Variants in TSHZ1 observed in about 807,000 individuals in gnomAD.
TSHZ1 encodes teashirt zinc finger homeobox 1.
In TSHZ1, 12 loss-of-function variants were observed where a neutral mutation model predicts 67.1. That is an observed-to-expected ratio of 0.18 (90% CI 0.11 to 0.29). The LOEUF (loss-of-function observed/expected upper bound fraction) is 0.29, where lower values mean the gene tolerates loss of function less well. Among genes scored for constraint, TSHZ1 ranks in the 10% least tolerant of loss-of-function variants. The pLI is 1.00. For missense variants in TSHZ1, 1,305 were observed against 1,413.9 expected, an observed-to-expected ratio of 0.92 and a Z score of 1.23; for synonymous variants, 632 against 622.4, an observed-to-expected ratio of 1.02 and a Z score of -0.23.
At chr18:75,232,938 G>A (rs889706350) in intron 1 of TSHZ1, among the ~76,000 whole-genome samples, 1 of 152,236 alleles carries the variant, frequency 6.6e-6, no homozygotes, top group African/African-American at 2.4e-5. Context: ...GCACAGTTAG[G>A]AAGACTCTTC....
chr18:75,219,562 A>G (rs895664830), intron 1 of TSHZ1, among the ~76,000 whole-genome samples: 6 of 152,216 alleles, frequency 3.9e-5, no homozygotes, highest in Non-Finnish European at 7.3e-5. Context: ...TTTTCTTGCT[A>G]TAGAATAATT....
chr18:75,275,740 G>A (rs1305142778), intron 1 of TSHZ1, among the ~76,000 whole-genome samples: 3 of 152,126 alleles, frequency 2.0e-5, no homozygotes, highest in Admixed American at 6.5e-5. Flanking sequence ...AACTGAAATC[G>A]GCTGATGTTT....
rs373832420 is a variant in TSHZ1, at chr18:75,238,449, TG to T, written c.40+26536del. Among the ~76,000 whole-genome samples, 352 of 152,296 alleles carry T rather than the reference TG, an allele frequency of 2.3e-3. 1 individual carries two copies. In the South Asian group the frequency reaches 0.023, roughly 10 times the overall value. ...ACTGGGACATGAAATCACAGTGATC[TG>T]GGAAAAGCGTCGACATGGATGATAT... is the stretch of plus-strand genomic sequence containing the variant. On this transcript the variant is annotated intron_variant, in intron 1 of 1. Coordinates refer to ENST00000580243, the MANE Select transcript of TSHZ1 (RefSeq NM_001308210.2).
chr18:75,276,516 C>T (rs2023615194), intron 1 of TSHZ1, among the ~76,000 whole-genome samples: 1 of 152,178 alleles, frequency 6.6e-6, no homozygotes, highest in African/African-American at 2.4e-5. Context: ...CACCTGCTCT[C>T]TCCATAACGA....
intron 1 of TSHZ1, among the ~76,000 whole-genome samples, chr18:75,258,282 T>A (rs915443542): frequency 3.3e-5 from 5 of 152,224 alleles, no homozygotes; most frequent in Non-Finnish European, 4.4e-5. Flanking sequence ...AAGCGACATT[T>A]ATTTTGTACT....
Position 75,225,468 on chromosome 18 carries a change from G to A in TSHZ1, c.40+13552G>A, listed in dbSNP as rs138141390. On this transcript the variant is annotated intron_variant, in intron 1 of 1. Coordinates refer to ENST00000580243, the MANE Select transcript of TSHZ1 (RefSeq NM_001308210.2). ...CCACGCCGCTTTCTTCTGACTGTGA[G>A]CTGGCCCATCTCTGTACGCTTGCCC... Among the ~76,000 whole-genome samples the A allele has an allele frequency of 3.5e-3, 536 of 152,308 alleles. 3 individuals are homozygous for A. The highest frequency in any genetic ancestry group is 0.012 in the African/African-American group (513 of 41,562).
chr18:75,273,726 T>C (rs1331010703), intron 1 of TSHZ1, among the ~76,000 whole-genome samples: 1 of 152,206 alleles, frequency 6.6e-6, no homozygotes, highest in Admixed American at 6.5e-5. Context: ...ACACAGAATT[T>C]CATGTTGCTC....
intron 1 of TSHZ1, among the ~76,000 whole-genome samples, chr18:75,252,296 C>A (rs923743142): frequency 2.9e-4 from 44 of 152,252 alleles, no homozygotes; most frequent in Admixed American, 7.9e-4. Context: ...GATAAATTCC[C>A]ACAAGTAAAA....
chr18:75,234,610 T>G (rs1002447875), intron 1 of TSHZ1, among the ~76,000 whole-genome samples: 8 of 152,094 alleles, frequency 5.3e-5, no homozygotes, highest in Admixed American at 1.3e-4. Context: ...CCCCATTAAA[T>G]TTTGCATCTT....
rs2023775130 is a variant in TSHZ1, at chr18:75,286,866, C to G, written c.1459C>G (p.Pro487Ala). ...RLPASSIKKQPDSPAGSTTSE... is the reference protein window; with the variant it reads ...RLPASSIKKQADSPAGSTTSE... ...GCCGGCCTCCAGCATCAAAAAGCAGCCCGACTCTCCCGCGGGGTCCACGAC... is the reference window on the plus strand; with the variant it reads ...GCCGGCCTCCAGCATCAAAAAGCAGGCCGACTCTCCCGCGGGGTCCACGAC... The change falls in exon 2 of 2, where the codon CCC becomes GCC. Residue 487 changes from proline (P) to alanine (A), a missense_variant. Coordinates refer to ENST00000580243, the MANE Select transcript of TSHZ1 (RefSeq NM_001308210.2). The surrounding 1 kb of genome is among the most constrained non-coding windows in gnomAD (Gnocchi z 5.1). 8 of 1,614,002 alleles carry G rather than the reference C, an allele frequency of 5.0e-6. No individual in the cohort carries two copies. The highest frequency in any genetic ancestry group is 6.8e-6 in the Non-Finnish European group (8 of 1,180,036).
At chr18:75,220,181 GCT>G (rs531325674) in intron 1 of TSHZ1, among the ~76,000 whole-genome samples, 1 of 152,186 alleles carries the variant, frequency 6.6e-6, no homozygotes, top group South Asian at 2.1e-4. Flanking sequence ...AAAACACTGT[GCT>G]CCATGTAGGG....
chr18:75,251,956 A>G (rs982468507), intron 1 of TSHZ1, among the ~76,000 whole-genome samples: 1 of 152,236 alleles, frequency 6.6e-6, no homozygotes, highest in Non-Finnish European at 1.5e-5. Flanking sequence ...GAACAAAGAA[A>G]AAAATTTAAA....
At chr18:75,247,563 C>G (rs2023239970) in intron 1 of TSHZ1, among the ~76,000 whole-genome samples, 1 of 152,232 alleles carries the variant, frequency 6.6e-6, no homozygotes, top group South Asian at 2.1e-4. Flanking sequence ...TTGGAAAACA[C>G]TGTTTCCCTC....
At chr18:75,217,120 AG>A (rs1393064681) in intron 1 of TSHZ1, among the ~76,000 whole-genome samples, 1 of 152,250 alleles carries the variant, frequency 6.6e-6, no homozygotes, top group Non-Finnish European at 1.5e-5. Flanking sequence ...AAGGGAAGGC[AG>A]GGCCTAGACC....
intron 1 of TSHZ1, among the ~76,000 whole-genome samples, chr18:75,250,866 G>T (rs1012240741): frequency 6.6e-6 from 1 of 152,194 alleles, no homozygotes; most frequent in African/African-American, 2.4e-5. Context: ...AGGCCTGGCC[G>T]CAGTTCTGCA....
At chr18:75,240,476 G>A (rs1050253592) in intron 1 of TSHZ1, among the ~76,000 whole-genome samples, 1 of 152,122 alleles carries the variant, frequency 6.6e-6, no homozygotes, top group Non-Finnish European at 1.5e-5. Context: ...AAGAGGGTTG[G>A]GTTGCTTGTG....
At chr18:75,257,163 C>G (rs1214498062) in intron 1 of TSHZ1, among the ~76,000 whole-genome samples, 1 of 152,146 alleles carries the variant, frequency 6.6e-6, no homozygotes, top group Non-Finnish European at 1.5e-5. Flanking sequence ...AATTGACCTT[C>G]AATTGGGGGA....
At chr18:75,257,248 G>A (rs936790512) in intron 1 of TSHZ1, among the ~76,000 whole-genome samples, 8 of 152,094 alleles carry the variant, frequency 5.3e-5, no homozygotes, top group East Asian at 1.9e-4. Context: ...CTTGTTTTGC[G>A]GTAATTCATT....
chr18:75,287,053 T>C lies in TSHZ1; in HGVS notation c.1646T>C (p.Leu549Pro), dbSNP rs2023780739. Residue 549 changes from leucine (L) to proline (P), a missense_variant, in exon 2 of 2, where the codon CTG becomes CCG. Physicochemically the swap from Leu to Pro is moderately conservative, Grantham distance 98 (BLOSUM62 -3). Coordinates refer to ENST00000580243, the MANE Select transcript of TSHZ1 (RefSeq NM_001308210.2). The surrounding 1 kb of genome is among the most constrained non-coding windows in gnomAD (Gnocchi z 5.0). The stretch of plus-strand genomic sequence containing the variant: ...CTGGACGACAGCCCCAAGGGAGGGC[T>C]GGACATTCTCAAGTCCCTGGAGAAT... ...EDLDDSPKGG[L>P]DILKSLENTV... 5 of 1,614,044 alleles carry C rather than the reference T, an allele frequency of 3.1e-6. No individual in the cohort carries two copies. Among genetic ancestry groups the C allele is most frequent in the Non-Finnish European group, 3.4e-6 (4 of 1,180,010 alleles).
Sources: gnomAD v4.1 joint callset for allele counts (sites outside exome capture counted in the v4.1 genomes callset) on GRCh38, gnomAD v4.1.1 for gene constraint, Gnocchi (gnomAD v3.1) non-coding constraint, MANE v1.5 for transcripts, NCBI Gene and HGNC (gene_info 2026-07-23, HGNC 2026-07-21) for gene names.